The following REPS2 variants were observed in gnomAD, a reference collection of about 807,000 sequenced individuals.
REPS2 encodes the protein RALBP1 associated Eps domain containing 2, also known as ralBP1-associated Eps domain-containing protein 2.
Under a neutral mutation model 53.6 loss-of-function variants are expected in REPS2, and 23 were observed. That is an observed-to-expected ratio of 0.43 (90% CI 0.31 to 0.61). The LOEUF (loss-of-function observed/expected upper bound fraction) is 0.61, where lower values mean the gene tolerates loss of function less well. Ranked by LOEUF, REPS2 falls within the 20% of genes least tolerant of loss-of-function variation. The pLI is 0.11. For synonymous variants in REPS2, 238 were observed against 218.6 expected, an observed-to-expected ratio of 1.09 and a Z score of -0.78; for missense variants, 446 against 534.9, an observed-to-expected ratio of 0.83 and a Z score of 1.64.
chrX:17,033,114 C>T (rs887725278), intron 5 of REPS2, among the ~76,000 whole-genome samples: 1 of 112,282 alleles, frequency 8.9e-6, no homozygotes, highest in African/African-American at 3.2e-5. Context: ...TTTATTCCTA[C>T]TGTTCTCAGC....
At chrX:16,981,440 GTGATA>G (rs1476092573) in intron 1 of REPS2, among the ~76,000 whole-genome samples, 1 of 112,936 alleles carries the variant, frequency 8.9e-6, no homozygotes, top group African/African-American at 3.2e-5. Flanking sequence ...TGAATTTGCT[GTGATA>G]TGATAGGATC....
chrX:17,085,562 T>G (rs1433755658), intron 13 of REPS2, among the ~76,000 whole-genome samples: 1 of 112,348 alleles, frequency 8.9e-6, no homozygotes, highest in Non-Finnish European at 1.9e-5. Flanking sequence ...TCAACAATGT[T>G]TCAGTATACA....
intron 14 of REPS2, among the ~76,000 whole-genome samples, chrX:17,115,790 T>C (rs1433375594): frequency 8.9e-6 from 1 of 112,333 alleles, no homozygotes; most frequent in Non-Finnish European, 1.9e-5. Context: ...GCACCGCCCT[T>C]AATCCGTTTA....
At chrX:16,948,733 A>T (rs768849524) in intron 1 of REPS2, among the ~76,000 whole-genome samples, 1 of 112,023 alleles carries the variant, frequency 8.9e-6, no homozygotes, top group Non-Finnish European at 1.9e-5. Flanking sequence ...CTTGAGGTAC[A>T]TATAGTTTTA....
intron 14 of REPS2, among the ~76,000 whole-genome samples, chrX:17,128,521 G>C (rs1461857362): frequency 8.9e-6 from 1 of 111,968 alleles, no homozygotes; most frequent in Non-Finnish European, 1.9e-5. Flanking sequence ...GCCAGCCAGG[G>C]AAAGGTGACC....
chrX:17,142,373 T>C (rs759294273), intron 17 of REPS2, among the ~76,000 whole-genome samples: 5 of 111,628 alleles, frequency 4.5e-5, no homozygotes, highest in Admixed American at 9.5e-5. Flanking sequence ...TTAAAACCTT[T>C]TATTTTGCCA....
intron 1 of REPS2, among the ~76,000 whole-genome samples, chrX:16,996,630 A>G (rs2061238338): frequency 8.9e-6 from 1 of 112,458 alleles, no homozygotes; most frequent in Non-Finnish European, 1.9e-5. Flanking sequence ...TATCCCACCA[A>G]CAATGGATGT....
intron 9 of REPS2, among the ~76,000 whole-genome samples, 172 bp from the exon 10 acceptor site, chrX:17,068,230 T>C (rs1455138979): frequency 9.1e-6 from 1 of 109,886 alleles, no homozygotes; most frequent in African/African-American, 3.3e-5. Flanking sequence ...AGGAGAATGG[T>C]GTGAACCCGG....
Position 17,069,946 on chromosome X carries a change from A to T in REPS2, c.1286A>T (p.Lys429Ile), listed in dbSNP as rs1364449893. ...AAAAACAAAACACAACTAGCTTTGA[A>T]AAGTACTATCAATGAAGCCTTACCA... ...DVTSDDKQAL[K>I]STINEALPKD... The change falls in exon 11 of 18, where the codon AAA (lysine) becomes ATA (isoleucine). Residue 429 changes from lysine to isoleucine, a missense_variant. By Grantham distance (102) the Lys-to-Ile change is moderately radical (BLOSUM62 -3). Coordinates refer to ENST00000357277, the MANE Select transcript of REPS2 (RefSeq NM_004726.3). The T allele has an allele frequency of 8.9e-6, 10 of 1,128,500 alleles. No individual in the cohort carries two copies. The highest frequency in any genetic ancestry group is 1.2e-5 in the Non-Finnish European group (10 of 852,303). 93.0% of individuals were successfully genotyped at this position (1,128,500 alleles called of 1,213,427 possible).
downstream of REPS2, among the ~76,000 whole-genome samples, chrX:17,156,647 G>A (rs1269319719): frequency 1.8e-5 from 2 of 110,834 alleles, no homozygotes; most frequent in Non-Finnish European, 3.8e-5. Context: ...TTCTATCCTG[G>A]GCATAGCACT....
chrX:17,038,728 T>C (rs1464905963), intron 5 of REPS2, among the ~76,000 whole-genome samples: 2 of 112,099 alleles, frequency 1.8e-5, no homozygotes, highest in African/African-American at 6.5e-5. Context: ...CGTGACCCAG[T>C]CTCTACCATA....
intron 1 of REPS2, among the ~76,000 whole-genome samples, chrX:16,959,094 G>A (rs2060629934): frequency 8.9e-6 from 1 of 112,016 alleles, no homozygotes; most frequent in African/African-American, 3.2e-5. Context: ...AAGTATGTGT[G>A]TGTGTATACT....
chrX:17,170,846 A>G, the REPS2 span, among the ~76,000 whole-genome samples: 1 of 112,895 alleles, frequency 8.9e-6, no homozygotes, highest in Non-Finnish European at 1.9e-5. Flanking sequence ...TGAGACAACA[A>G]GCCATCCTTG....
chrX:17,002,190 G>A (rs2061316009), intron 1 of REPS2, among the ~76,000 whole-genome samples: 1 of 110,735 alleles, frequency 9.0e-6, no homozygotes, highest in African/African-American at 3.3e-5. Context: ...CTTTTCAGAT[G>A]GTTTGGCAAA....
Position 17,006,347 on chromosome X carries a change from G to T in REPS2, c.397+3G>T. On this transcript the variant is annotated splice_donor_region_variant and intron_variant, in intron 2 of 17. Transcript: ENST00000357277. ...ACGGATAGAGAGTATTAAATGTGGTGAGTATCTCACATTTGTATGTTTTAT... is the reference window on the plus strand; with the variant it reads ...ACGGATAGAGAGTATTAAATGTGGTTAGTATCTCACATTTGTATGTTTTAT... 8.3e-7 allele frequency: 1 copy of T among 1,205,814 alleles called. No individual in the cohort carries two copies. Among genetic ancestry groups the T allele is most frequent in the South Asian group, 1.8e-5 (1 of 56,433 alleles).
chrX:16,995,962 T>G (rs1163350441), intron 1 of REPS2, among the ~76,000 whole-genome samples: 2 of 111,385 alleles, frequency 1.8e-5, no homozygotes, highest in Non-Finnish European at 3.8e-5. Context: ...GTGGAAAGTT[T>G]GGGGAGATGG....
intron 14 of REPS2, among the ~76,000 whole-genome samples, chrX:17,117,278 T>TTTA (rs985922146): frequency 3.6e-5 from 4 of 111,947 alleles, no homozygotes; most frequent in Non-Finnish European, 7.5e-5. Flanking sequence ...ATTTTTATTT[T>TTTA]TTATTATTAT....
At chrX:17,162,552 A>C in the REPS2 span, among the ~76,000 whole-genome samples, 1 of 112,737 alleles carries the variant, frequency 8.9e-6, no homozygotes, top group African/African-American at 3.2e-5. Context: ...AGGCTTCTGC[A>C]TAAGCAGAAA....
chrX:16,996,995 C>T (rs1488340987), intron 1 of REPS2, among the ~76,000 whole-genome samples: 1 of 112,284 alleles, frequency 8.9e-6, no homozygotes, highest in Non-Finnish European at 1.9e-5. Flanking sequence ...TTGAGAAGCA[C>T]TAAAAATGTC....
Sources: allele counts gnomAD v4.1 joint callset (sites outside exome capture counted in the v4.1 genomes callset), GRCh38; gene constraint gnomAD v4.1.1; transcripts MANE v1.5; gene names NCBI Gene and HGNC (gene_info 2026-07-23, HGNC 2026-07-21).